Variants in TAF1 observed in about 807,000 individuals in gnomAD.
The protein encoded by TAF1 is TATA-box binding protein associated factor 1, also known as transcription initiation factor TFIID subunit 1.
Under a neutral mutation model 138.5 loss-of-function variants are expected in TAF1, and 2 were observed. The observed-to-expected ratio is 0.01, with a 90% CI of 0.01 to 0.05. TAF1 has a LOEUF of 0.05. Ranked by LOEUF, TAF1 falls within the 10% of genes least tolerant of loss-of-function variation. The pLI, the probability that TAF1 is intolerant of heterozygous loss-of-function variation, is 1.00. For synonymous variants in TAF1, 437 were observed against 503.2 expected, an observed-to-expected ratio of 0.87 and a Z score of 1.76; for missense variants, 709 against 1,478.0, an observed-to-expected ratio of 0.48 and a Z score of 8.53.
intron 13 of TAF1, among the ~76,000 whole-genome samples, chrX:71,493,165 C>T (rs1247085394): frequency 9.0e-6 from 1 of 110,923 alleles, no homozygotes; most frequent in African/African-American, 3.3e-5. Context: ...ACAATAGGCG[C>T]GCCATGCCCG....
intron 32 of TAF1, among the ~76,000 whole-genome samples, chrX:71,437,899 G>A (rs974202602): frequency 2.3e-4 from 24 of 102,154 alleles, no homozygotes; most frequent in South Asian, 4.7e-4. Context: ...GCAGTGGCGC[G>A]ATCTTGGCTT....
chrX:71,386,161 CAA>C lies in TAF1; in HGVS notation c.2227-1085_2227-1084del, dbSNP rs746090192. ...GGGCAACAAGAGCGAAACTCCATCT[CAA>C]AAAAAAAAAAAAAAGATCTTTTTCT... is the stretch of plus-strand genomic sequence containing the variant. On this transcript the variant is annotated intron_variant, in intron 14 of 37. Coordinates refer to ENST00000423759, the MANE Select transcript of TAF1 (RefSeq NM_004606.5). Among the ~76,000 whole-genome samples, 55 of 67,893 alleles carry C rather than the reference CAA, an allele frequency of 8.1e-4. 4 individuals carry two copies. The East Asian group carries it at 0.015, about 18-fold the overall frequency. 59.0% of individuals were successfully genotyped at this position (67,893 alleles called of 115,157 possible).
intron 32 of TAF1, among the ~76,000 whole-genome samples, chrX:71,446,405 A>G (rs1325596682): frequency 1.8e-5 from 2 of 111,978 alleles, no homozygotes; most frequent in African/African-American, 6.5e-5. Flanking sequence ...TTCCTGTAAA[A>G]TTAGAGTATA....
chrX:71,485,518 G>T (rs1386710957), intron 13 of TAF1, among the ~76,000 whole-genome samples: 2 of 111,828 alleles, frequency 1.8e-5, no homozygotes, highest in African/African-American at 6.5e-5. Context: ...GCACGTGCAG[G>T]CGTATGTTTT....
chrX:71,441,423 T>G (rs2037414263), intron 32 of TAF1, among the ~76,000 whole-genome samples: 1 of 110,664 alleles, frequency 9.0e-6, no homozygotes, highest in African/African-American at 3.3e-5. Flanking sequence ...AATGATACAG[T>G]TTTTAAATTT....
At chrX:71,417,969 G>A (rs779672349) in intron 28 of TAF1, among the ~76,000 whole-genome samples, 7 of 111,858 alleles carry the variant, frequency 6.3e-5, no homozygotes, top group African/African-American at 2.3e-4. Flanking sequence ...GTTAGCATAT[G>A]GTCAATCTAG....
intron 13 of TAF1, among the ~76,000 whole-genome samples, chrX:71,501,743 C>G (rs1415227752): frequency 1.8e-5 from 2 of 111,570 alleles, no homozygotes; most frequent in Non-Finnish European, 3.8e-5. Flanking sequence ...GAGCCCTTTC[C>G]CAGAAAGCCT....
intron 29 of TAF1, among the ~76,000 whole-genome samples, chrX:71,421,905 G>A (rs1325414661): frequency 8.9e-6 from 1 of 112,011 alleles, no homozygotes; most frequent in Non-Finnish European, 1.9e-5. Context: ...CAGTAAACAC[G>A]GAAAGATTCT....
intron 28 of TAF1, chrX:71,420,346 C>G: frequency 8.4e-7 from 1 of 1,196,094 alleles, no homozygotes; most frequent in Admixed American, 2.2e-5. Context: ...TCTGAGAACT[C>G]TATATATGCA....
At chrX:71,483,840 T>C (rs2039125985) in intron 13 of TAF1, among the ~76,000 whole-genome samples, 1 of 97,374 alleles carries the variant, frequency 1.0e-5, no homozygotes. Flanking sequence ...TCTTCTGCAG[T>C]GACTTGGAAC....
At position 71,520,194 on chromosome X, in the gene TAF1, A is replaced by G. The variant is rs184517507; in HGVS notation, c.1367-8348A>G. On this transcript the variant is annotated intron_variant and NMD_transcript_variant, in intron 13 of 14. Coordinates refer to the TAF1 transcript ENST00000373775. ...AGTCTCGCTCTGTTGCCCAGGCTGGAGTGCAGTGGTGTGATCTCGGCTCAC... is the reference window on the plus strand; with the variant it reads ...AGTCTCGCTCTGTTGCCCAGGCTGGGGTGCAGTGGTGTGATCTCGGCTCAC... 3.9e-3 allele frequency among the ~76,000 whole-genome samples: 412 copies of G among 104,921 alleles called. 9 individuals carry two copies. In the East Asian group the frequency reaches 0.046, roughly 12 times the overall value. The allele number at this position is 104,921 out of a possible 115,157, so 91.1% of individuals were successfully genotyped here.
chrX:71,475,539 C>T (rs1255369834), intron 13 of TAF1, among the ~76,000 whole-genome samples: 4 of 101,152 alleles, frequency 4.0e-5, no homozygotes, highest in East Asian at 6.1e-4. Context: ...GAGCCGAGAT[C>T]GTGCCACTGC....
intron 18 of TAF1, among the ~76,000 whole-genome samples, chrX:71,392,278 G>A (rs2034606925): frequency 9.0e-6 from 1 of 111,412 alleles, no homozygotes; most frequent in African/African-American, 3.3e-5. Context: ...ATAAGGGGCT[G>A]AAGGGATACC....
At chrX:71,370,107 C>T (rs939804986) in intron 3 of TAF1, among the ~76,000 whole-genome samples, 3 of 110,967 alleles carry the variant, frequency 2.7e-5, no homozygotes, top group East Asian at 2.9e-4. Context: ...TGCCTGTAGT[C>T]GCAGCTACTC....
intron 13 of TAF1, among the ~76,000 whole-genome samples, chrX:71,480,595 TTAATC>T (rs1310500305): frequency 8.9e-6 from 1 of 111,944 alleles, no homozygotes; most frequent in Non-Finnish European, 1.9e-5. Context: ...CGTACCAAGA[TTAATC>T]TAAGTGCTGG....
At chrX:71,445,919 T>TA (rs1406850482) in intron 32 of TAF1, among the ~76,000 whole-genome samples, 2 of 109,692 alleles carry the variant, frequency 1.8e-5, no homozygotes. Context: ...TTCACTATTT[T>TA]TTTTTTTTTT....
chrX:71,395,769 A>G (rs1006985527), intron 22 of TAF1, among the ~76,000 whole-genome samples: 9 of 111,263 alleles, frequency 8.1e-5, no homozygotes, highest in Admixed American at 1.9e-4. Context: ...GTGGTCATCT[A>G]TGTTTTCTAG....
intron 35 of TAF1, chrX:71,459,113 G>A (rs754116248): frequency 1.5e-5 from 15 of 990,866 alleles, no homozygotes; most frequent in Non-Finnish European, 2.0e-5. Flanking sequence ...CTACAGGCAC[G>A]TCCCTCAATG....
chrX:71,440,792 A>T (rs909854954), intron 32 of TAF1, among the ~76,000 whole-genome samples: 2 of 111,264 alleles, frequency 1.8e-5, no homozygotes, highest in Admixed American at 1.9e-4. Context: ...TTCTTTTTTT[A>T]AATTAAAAAC....
Sources: gnomAD v4.1 joint callset for allele counts (sites outside exome capture counted in the v4.1 genomes callset) on GRCh38, gnomAD v4.1.1 for gene constraint, MANE v1.5 for transcripts, NCBI Gene and HGNC (gene_info 2026-07-23, HGNC 2026-07-21) for gene names.